Variants in PAPLN observed in about 807,000 individuals in gnomAD.
The protein encoded by PAPLN is papilin, proteoglycan like sulfated glycoprotein.
Under a neutral mutation model 159.0 loss-of-function variants are expected in PAPLN, and 146 were observed. That is an observed-to-expected ratio of 0.92 (90% CI 0.80 to 1.05). The LOEUF (loss-of-function observed/expected upper bound fraction) is 1.05, where lower values mean the gene tolerates loss of function less well. Among genes scored for constraint, PAPLN ranks in the 50% least tolerant of loss-of-function variants. PAPLN has a pLI of 0.00. For missense variants in PAPLN, 1,720 were observed against 1,743.9 expected (o/e 0.99, Z 0.24); for synonymous variants, 734 against 702.9 (o/e 1.04, Z -0.70).
intron 26 of PAPLN, among the ~76,000 whole-genome samples, chr14:73,269,699 A>C (rs1246187237): frequency 6.6e-6 from 1 of 152,224 alleles, no homozygotes; most frequent in African/African-American, 2.4e-5. Flanking sequence ...CTGAAGACAG[A>C]GTGGTACCTC....
chr14:73,239,864 A>T (rs1883345745), intron 2 of PAPLN, 32 bp downstream of exon 2: 3 of 1,557,232 alleles, frequency 1.9e-6, no homozygotes, highest in Non-Finnish European at 2.6e-6. Context: ...CCCCCGGAGG[A>T]ACCTGCAGGG....
chr14:73,257,803 G>T (rs972008654), intron 14 of PAPLN, among the ~76,000 whole-genome samples: 10 of 118,926 alleles, frequency 8.4e-5, no homozygotes, highest in Non-Finnish European at 1.4e-4. Flanking sequence ...TCGCTCTGTC[G>T]CCCAGTTTGG....
intron 11 of PAPLN, among the ~76,000 whole-genome samples, chr14:73,253,509 T>G: frequency 6.6e-6 from 1 of 151,886 alleles, no homozygotes; most frequent in East Asian, 1.9e-4. Context: ...GGGATAGGGT[T>G]GAGGACAGGA....
Position 73,262,554 on chromosome 14 carries a change from G to C in PAPLN, c.2450G>C (p.Gly817Ala), listed in dbSNP as rs949161691. ...SLHGPRRPQPGASGRSTHTDG... is the reference protein window; with the variant it reads ...SLHGPRRPQPAASGRSTHTDG... ...CATGGGCCCCGTCGTCCCCAGCCTG[G>C]GGCTTCTGGAAGGAGCACCCACACG... Residue 817 changes from glycine to alanine, a missense_variant, in exon 19 of 27, where the codon GGG becomes GCG. Physicochemically the swap from Gly to Ala is moderately conservative, Grantham distance 60. Transcript: ENST00000644200. 5 of 1,567,838 alleles carry C rather than the reference G, an allele frequency of 3.2e-6. No individual in the cohort carries two copies. The highest frequency in any genetic ancestry group is 4.3e-6 in the Non-Finnish European group (5 of 1,155,778).
At chr14:73,243,735 G>A (rs902015997) in intron 2 of PAPLN, 2 of 152,212 alleles carry the variant, frequency 1.3e-5, no homozygotes, top group Non-Finnish European at 2.9e-5. Context: ...GTACCTGCTA[G>A]GATTATAATC....
At chr14:73,240,381 GGGTGA>G (rs1566667180) in intron 2 of PAPLN, among the ~76,000 whole-genome samples, 8 of 152,192 alleles carry the variant, frequency 5.3e-5, no homozygotes, top group African/African-American at 2.4e-5. Flanking sequence ...CTTGAAATGT[GGGTGA>G]GGTGAGTTTT....
intron 6 of PAPLN, 60 bp from the exon 7 acceptor site, chr14:73,250,847 G>A (rs1363366494): frequency 3.9e-6 from 6 of 1,533,506 alleles, no homozygotes; most frequent in Non-Finnish European, 5.3e-6. Flanking sequence ...ATGCGACGGG[G>A]CCCAAGGCCT....
chr14:73,237,841 C>T (rs1477911117), intron 1 of PAPLN, among the ~76,000 whole-genome samples: 4 of 152,268 alleles, frequency 2.6e-5, no homozygotes, highest in South Asian at 4.1e-4. Flanking sequence ...CGGGACGGCC[C>T]CGGCGCGCAC....
rs1211801936 is a variant in PAPLN at position 73,245,387 on chromosome 14, G to C, written c.171-249G>C. On this transcript the variant is annotated intron_variant, in intron 3 of 26. Coordinates refer to ENST00000644200, the MANE Select transcript of PAPLN (RefSeq NM_001365906.3). This position sits in a 1 kb window ranked among gnomAD's most constrained non-coding sequence, Gnocchi z 4.2. ...TCTTCTCTGGGAATCTGCCTAAGAT[G>C]CAGTGGAGTGGTCCCGCCTTAAATC... The C allele has an allele frequency of 9.3e-6, 5 of 539,000 alleles. No individual in the cohort carries two copies. The highest frequency in any genetic ancestry group is 3.3e-5 in the Admixed American group (1 of 30,624). 33.4% of individuals were successfully genotyped at this position (539,000 alleles called of 1,614,324 possible). A position where few individuals can be genotyped will look rare whatever the true frequency, so the allele number is the denominator to read the frequency against.
At chr14:73,237,665 G>A (rs1248775974) in intron 1 of PAPLN, 73 bp downstream of exon 1, 1 of 152,238 alleles carries the variant, frequency 6.6e-6, no homozygotes, top group African/African-American at 2.4e-5. Flanking sequence ...GCTTCTGCAG[G>A]AATTTGCTCG....
At chr14:73,240,469 G>C (rs1883423680) in intron 2 of PAPLN, among the ~76,000 whole-genome samples, 1 of 151,908 alleles carries the variant, frequency 6.6e-6, no homozygotes, top group East Asian at 1.9e-4. Context: ...TTGAGACAGA[G>C]TCTCACTCTG....
At chr14:73,255,442 T>C (rs1594805414) in intron 14 of PAPLN, among the ~76,000 whole-genome samples, 1 of 152,200 alleles carries the variant, frequency 6.6e-6, no homozygotes, top group Admixed American at 6.5e-5. Context: ...TGAATGTCTG[T>C]TGAATGACTG....
intron 24 of PAPLN, 21 bp from the exon 25 acceptor site, chr14:73,266,702 A>G (rs909216): frequency 0.2 from 324,128 of 1,613,886 alleles, 41,534 homozygotes; most frequent in East Asian, 0.72. Context: ...GTGGCTGACA[A>G]TGACTTGTCC....
intron 14 of PAPLN, among the ~76,000 whole-genome samples, chr14:73,258,149 A>G (rs1431296359): frequency 3.3e-5 from 5 of 152,220 alleles, no homozygotes; most frequent in East Asian, 1.9e-4. Flanking sequence ...ATTTACATTC[A>G]GTTAACCCTT....
At chr14:73,252,489 C>A (rs754709278) in intron 10 of PAPLN, among the ~76,000 whole-genome samples, 160 bp from the exon 11 acceptor site, 14 of 152,196 alleles carry the variant, frequency 9.2e-5, no homozygotes, top group Non-Finnish European at 1.9e-4. Flanking sequence ...TCAGTTTCCT[C>A]ATCTGCCAAT....
chr14:73,253,158 A>G (rs1474206781), intron 11 of PAPLN: 4 of 1,370,762 alleles, frequency 2.9e-6, no homozygotes, highest in Non-Finnish European at 2.9e-6. Context: ...TTCGTGCACA[A>G]AGGACCTCTT....
chr14:73,267,784 C>T (rs1035332347), intron 25 of PAPLN, among the ~76,000 whole-genome samples: 13 of 152,226 alleles, frequency 8.5e-5, no homozygotes, highest in African/African-American at 2.9e-4. Flanking sequence ...CCTGCTTCTC[C>T]ATGTTGGCCT....
intron 5 of PAPLN, among the ~76,000 whole-genome samples, chr14:73,247,840 G>GTGTGGT (rs1884678772): frequency 9.4e-6 from 1 of 106,766 alleles, no homozygotes; most frequent in Non-Finnish European, 1.9e-5. Flanking sequence ...GTGTGTGTGT[G>GTGTGGT]GTGGCGATCG....
chr14:73,239,792 T>C lies in PAPLN; in HGVS notation c.14T>C (p.Leu5Pro), dbSNP rs750583342. 1.3e-6 allele frequency: 2 copies of C among 1,594,204 alleles called. No homozygotes were observed. Among genetic ancestry groups the C allele is most frequent in the Non-Finnish European group, 8.5e-7 (1 of 1,176,354 alleles). MRLLLLVPLLLAPAP... is the reference protein window; with the variant it reads MRLLPLVPLLLAPAP... ...CCGCAGGCTGAGATGCGGCTGCTCCTGCTCGTGCCGCTGCTGCTGGCTCCA... is the reference window on the plus strand; with the variant it reads ...CCGCAGGCTGAGATGCGGCTGCTCCCGCTCGTGCCGCTGCTGCTGGCTCCA... The change falls in exon 2 of 27, where the codon CTG becomes CCG. Residue 5 changes from leucine to proline, a missense_variant. Transcript: ENST00000644200.
Sources: gnomAD v4.1 joint callset for allele counts (sites outside exome capture counted in the v4.1 genomes callset) on GRCh38, gnomAD v4.1.1 for gene constraint, Gnocchi (gnomAD v3.1) non-coding constraint, MANE v1.5 for transcripts, NCBI Gene and HGNC (gene_info 2026-07-23, HGNC 2026-07-21) for gene names.